Variants in FSTL4 observed in about 807,000 individuals in gnomAD.
FSTL4 encodes the protein follistatin-related protein 4.
In FSTL4, 28 loss-of-function variants were observed where a neutral mutation model predicts 78.2. The observed-to-expected ratio is 0.36, with a 90% CI of 0.27 to 0.49. The LOEUF (loss-of-function observed/expected upper bound fraction) is 0.49. Among genes scored for constraint, FSTL4 ranks in the 20% least tolerant of loss-of-function variants. The pLI is 0.98. For missense variants in FSTL4, 922 were observed against 1,084.9 expected (o/e 0.85, Z 2.11); for synonymous variants, 422 against 440.5 (o/e 0.96, Z 0.53).
intron 6 of FSTL4, among the ~76,000 whole-genome samples, chr5:133,299,029 T>C (rs1349155301): frequency 1.3e-5 from 2 of 152,238 alleles, no homozygotes; most frequent in Non-Finnish European, 2.9e-5. Flanking sequence ...TCTGAGACAC[T>C]GTTTTCAAAA....
chr5:133,502,188 C>G (rs915802908), intron 3 of FSTL4, among the ~76,000 whole-genome samples: 1 of 152,112 alleles, frequency 6.6e-6, no homozygotes, highest in African/African-American at 2.4e-5. Flanking sequence ...TACAGCAGCC[C>G]TAGGAGACTA....
intron 6 of FSTL4, among the ~76,000 whole-genome samples, chr5:133,272,415 G>A (rs1752787471): frequency 6.6e-6 from 1 of 152,204 alleles, no homozygotes; most frequent in Non-Finnish European, 1.5e-5. Flanking sequence ...AGGGAGAGAG[G>A]AGGCACGCGC....
the FSTL4 span, among the ~76,000 whole-genome samples, chr5:133,692,366 CCACTG>C: frequency 6.6e-6 from 1 of 152,146 alleles, no homozygotes; most frequent in East Asian, 1.9e-4. Context: ...TTACGGGGAA[CCACTG>C]GGGGTTTGAG....
intron 3 of FSTL4, among the ~76,000 whole-genome samples, chr5:133,505,118 T>C (rs1299143294): frequency 6.6e-6 from 1 of 152,082 alleles, no homozygotes; most frequent in Admixed American, 6.6e-5. Flanking sequence ...CATAAATGCA[T>C]TAACAGAGAA....
At chr5:133,593,614 C>T (rs1760681587) in intron 2 of FSTL4, among the ~76,000 whole-genome samples, 2 of 152,106 alleles carry the variant, frequency 1.3e-5, no homozygotes, top group South Asian at 2.1e-4. Context: ...GCCACATGCA[C>T]CTGGACAGGG....
chr5:133,697,642 G>A, the FSTL4 span, among the ~76,000 whole-genome samples: 5 of 152,212 alleles, frequency 3.3e-5, no homozygotes, highest in Non-Finnish European at 7.3e-5. Context: ...GGCCCCTTCT[G>A]GTATGACAGA....
intron 2 of FSTL4, among the ~76,000 whole-genome samples, chr5:133,598,093 C>G (rs1035310353): frequency 6.6e-6 from 1 of 152,116 alleles, no homozygotes; most frequent in African/African-American, 2.4e-5. Flanking sequence ...CTAAGCTAGT[C>G]TCATCAAGCT....
chr5:133,639,638 G>C, the FSTL4 span, among the ~76,000 whole-genome samples: 1 of 152,134 alleles, frequency 6.6e-6, no homozygotes, highest in Non-Finnish European at 1.5e-5. Flanking sequence ...TCCTACTCTC[G>C]GGCCATCTGT....
chr5:133,821,940 G>A, the FSTL4 span, among the ~76,000 whole-genome samples: 5 of 152,154 alleles, frequency 3.3e-5, no homozygotes, highest in Non-Finnish European at 7.4e-5. Context: ...GAGCCCAACG[G>A]GGGCACAGTG....
At chr5:133,240,521 G>A (rs1335482416) in intron 7 of FSTL4, among the ~76,000 whole-genome samples, 1 of 152,188 alleles carries the variant, frequency 6.6e-6, no homozygotes, top group Non-Finnish European at 1.5e-5. Context: ...GGAGTTGGAG[G>A]CATGAGAGAA....
chr5:133,711,718 C>A, the FSTL4 span, among the ~76,000 whole-genome samples: 1 of 152,190 alleles, frequency 6.6e-6, no homozygotes, highest in Non-Finnish European at 1.5e-5. Context: ...TTTGGGAAAA[C>A]ACAAAAACCA....
chr5:133,588,300 TA>T (rs1464239458), intron 2 of FSTL4, among the ~76,000 whole-genome samples: 1 of 57,522 alleles, frequency 1.7e-5, no homozygotes, highest in Non-Finnish European at 3.2e-5. Context: ...CTAATTAAAC[TA>T]AAGAGCTTCT....
intron 4 of FSTL4, among the ~76,000 whole-genome samples, chr5:133,390,239 T>C (rs1437038441): frequency 2.0e-5 from 3 of 152,274 alleles, no homozygotes; most frequent in Non-Finnish European, 4.4e-5. Flanking sequence ...CTATTTTAAT[T>C]ACCTGCAAGC....
the FSTL4 span, among the ~76,000 whole-genome samples, chr5:133,812,843 T>C: frequency 6.6e-6 from 1 of 152,222 alleles, no homozygotes; most frequent in African/African-American, 2.4e-5. Context: ...ACTTGGGAGA[T>C]GCTTAGTACA....
Position 133,316,040 on chromosome 5 carries a change from A to C in FSTL4, c.603+419T>G, listed in dbSNP as rs1356323615. 6.6e-5 allele frequency among the ~76,000 whole-genome samples: 10 copies of C among 152,326 alleles called. No individual in the cohort carries two copies. In the East Asian group the frequency reaches 1.9e-3, roughly 29 times the overall value. On this transcript the variant is annotated intron_variant, in intron 5 of 15. Coordinates refer to ENST00000265342, the MANE Select transcript of FSTL4 (RefSeq NM_015082.2). ...GACACAGGGCTTTCTGCAAACAAGC[A>C]GTCCGAGGTTTGGGTTCTTGATCTT...
chr5:133,301,942 C>A (rs900000071), intron 6 of FSTL4, among the ~76,000 whole-genome samples: 1 of 152,122 alleles, frequency 6.6e-6, no homozygotes, highest in African/African-American at 2.4e-5. Context: ...CGGTCCTCAG[C>A]TCATCACCCT....
At chr5:133,836,756 G>C in the FSTL4 span, among the ~76,000 whole-genome samples, 1 of 152,030 alleles carries the variant, frequency 6.6e-6, no homozygotes, top group African/African-American at 2.4e-5. Context: ...TTTCACCATG[G>C]TTCTGATATG....
At chr5:133,514,455 T>C (rs1459390148) in intron 3 of FSTL4, among the ~76,000 whole-genome samples, 1 of 152,116 alleles carries the variant, frequency 6.6e-6, no homozygotes, top group Non-Finnish European at 1.5e-5. Context: ...ACTCAGTCAA[T>C]GACATGTTGG....
At chr5:133,631,595 C>T in the FSTL4 span, among the ~76,000 whole-genome samples, 2 of 152,118 alleles carry the variant, frequency 1.3e-5, no homozygotes, top group East Asian at 1.9e-4. Context: ...TGTGGCAATT[C>T]CTCAAGGATC....
Sources: gnomAD v4.1 joint callset for allele counts (sites outside exome capture counted in the v4.1 genomes callset) on GRCh38, gnomAD v4.1.1 for gene constraint, MANE v1.5 for transcripts, NCBI Gene and HGNC (gene_info 2026-07-23, HGNC 2026-07-21) for gene names.